The following CEACAM1 variants were observed in gnomAD, a reference collection of about 807,000 sequenced individuals.
CEACAM1 encodes the protein CEA cell adhesion molecule 1.
CEACAM1 carries 31 observed loss-of-function variants against 49.1 expected under a neutral mutation model. The observed-to-expected ratio is 0.63, with a 90% CI of 0.47 to 0.85. The LOEUF is 0.85. Among genes scored for constraint, CEACAM1 ranks in the 40% least tolerant of loss-of-function variants. The probability of loss-of-function intolerance (pLI) is 0.00; values close to 1 mark genes in which losing one functional copy is unlikely to be tolerated. For synonymous variants in CEACAM1, 244 were observed against 247.8 expected, an observed-to-expected ratio of 0.98 and a Z score of 0.14; for missense variants, 570 against 645.3, an observed-to-expected ratio of 0.88 and a Z score of 1.26.
chr19:42,512,219 G>C (rs2041475090), intron 6 of CEACAM1, 131 bp downstream of exon 6: 1 of 1,014,462 alleles, frequency 9.9e-7, no homozygotes, highest in Non-Finnish European at 1.4e-6. Context: ...GTGGGAATTA[G>C]TGCCGAGAAG....
Position 42,521,514 on chromosome 19 carries a change from C to T in CEACAM1, c.711G>A (p.Pro237=), listed in dbSNP as rs766165584. 2.5e-5 allele frequency: 40 copies of T among 1,613,326 alleles called. No individual in the cohort carries two copies. The East Asian group carries it at 3.6e-4, about 14-fold the overall frequency. ...DPVTLNVTYG[P]DTPTISPSDT... ...CTGAAGGGGAAATGGTGGGGGTGTC[C>T]GGGCCATCTGGAGCAAAGAGAATAA... Residue 237 remains proline, a synonymous_variant, in exon 4 of 9, where the codon CCG becomes CCA. Coordinates refer to ENST00000161559, the MANE Select transcript of CEACAM1 (RefSeq NM_001712.5).
chr19:42,513,961 T>C (rs184767108), intron 5 of CEACAM1, among the ~76,000 whole-genome samples: 2,042 of 123,854 alleles, frequency 0.016, 24 homozygotes, highest in African/African-American at 0.055. Context: ...TCTTCTTCTT[T>C]TTTTTTTTTT....
chr19:42,518,821 T>G, intron 5 of CEACAM1, 127 bp downstream of exon 5: 2 of 1,133,876 alleles, frequency 1.8e-6, no homozygotes, highest in Non-Finnish European at 2.6e-6. Context: ...CTTAACCACT[T>G]TGCAATTCTG....
At position 42,511,615 on chromosome 19, in the gene CEACAM1, G is replaced by A. The variant is rs773721151; in HGVS notation, c.1390C>T (p.Arg464Cys). Residue 464 changes from arginine to cysteine, a missense_variant, in exon 7 of 9, where the codon CGT becomes TGT. Physicochemically the swap from Arg to Cys is radical, Grantham distance 180. Transcript: ENST00000161559. ...GAGGGTTTGTGCTCTGTGAGATCAC[G>A]CTGGTCGCTTGCCCTAAATAAATAT... ...FGKTGRASDQ[R>C]DLTEHKPSVS... 2.1e-5 allele frequency: 34 copies of A among 1,613,790 alleles called. No individual in the cohort carries two copies. Among genetic ancestry groups the A allele is most frequent in the Non-Finnish European group, 2.6e-5 (31 of 1,179,918 alleles).
intron 4 of CEACAM1, chr19:42,519,491 C>G: frequency 2.2e-6 from 1 of 444,516 alleles, no homozygotes; most frequent in Non-Finnish European, 4.0e-6. Flanking sequence ...CTGGATATCT[C>G]TATATCTCCA....
chr19:42,528,315 GAGCAGA>G lies in CEACAM1; in HGVS notation c.54_59del (p.Leu19_Leu20del). ...CCCAGGGTGTCCTCCCCTCACCTGT[GAGCAGA>G]AGCCCCTGCCAGGGTACACGCACTC... On this transcript the variant is annotated inframe_deletion, in exon 1 of 9. Transcript: ENST00000161559. 1 of 1,613,630 alleles carries G rather than the reference GAGCAGA, an allele frequency of 6.2e-7. No homozygotes were observed. Among genetic ancestry groups the G allele is most frequent in the Non-Finnish European group, 8.5e-7 (1 of 1,179,708 alleles).
At position 42,522,013 on chromosome 19, in the gene CEACAM1, A is replaced by G; in HGVS notation, c.614T>C (p.Val205Ala). ...NGNRTLTLLS[V>A]TRNDTGPYEC... ...ATAGGGTCCTGTGTCATTCCTTGTG[A>G]CACTGAGTAGAGTGAGGGTCCTGTT... Residue 205 changes from valine to alanine, a missense_variant, in exon 3 of 9, where the codon GTC (valine) becomes GCC (alanine). Transcript: ENST00000161559. 1 of 1,614,214 alleles carries G rather than the reference A, an allele frequency of 6.2e-7. No individual in the cohort carries two copies.
intron 5 of CEACAM1, among the ~76,000 whole-genome samples, chr19:42,513,521 C>T (rs962151544): frequency 2.0e-5 from 3 of 150,550 alleles, no homozygotes; most frequent in African/African-American, 7.4e-5. Flanking sequence ...CGCTTGAACC[C>T]GGGGGGCAGA....
chr19:42,528,215 C>T (rs1220370998), intron 1 of CEACAM1, 96 bp downstream of exon 1: 3 of 1,054,582 alleles, frequency 2.8e-6, no homozygotes, highest in Admixed American at 4.5e-5. Context: ...CAAGAGAAGC[C>T]CTCTGTCCCC....
Position 42,509,089 on chromosome 19 carries a change from A to G in CEACAM1, c.*20T>C. ...GAGACTTGAAATACATCAGCACTGCAGTGAGCAGGACAGGTTTCATTACTG... is the reference window on the plus strand; with the variant it reads ...GAGACTTGAAATACATCAGCACTGCGGTGAGCAGGACAGGTTTCATTACTG... On this transcript the variant is annotated 3_prime_UTR_variant, in exon 9 of 9. Transcript: ENST00000161559. 5.0e-6 allele frequency: 8 copies of G among 1,613,914 alleles called. No individual in the cohort carries two copies. The highest frequency in any genetic ancestry group is 6.8e-6 in the Non-Finnish European group (8 of 1,179,772).
intron 2 of CEACAM1, among the ~76,000 whole-genome samples, chr19:42,523,480 C>CT (rs1167081278): frequency 1.3e-5 from 2 of 152,132 alleles, no homozygotes; most frequent in Non-Finnish European, 2.9e-5. Context: ...CAGGCAGGGG[C>CT]TGCCTGGATT....
Position 42,528,477 on chromosome 19 carries a change from G to C in CEACAM1, c.-103C>G, listed in dbSNP as rs760619200. Reference sequence around the variant, plus strand: ...TCACCTCTGCTGTTTTCCACTCTCTGTGCTGAGCCTCCTCCCTGGGGCCCA... The same window carrying C: ...TCACCTCTGCTGTTTTCCACTCTCTCTGCTGAGCCTCCTCCCTGGGGCCCA... On this transcript the variant is annotated 5_prime_UTR_variant, in exon 1 of 9. Coordinates refer to ENST00000161559, the MANE Select transcript of CEACAM1 (RefSeq NM_001712.5). 17 of 1,122,706 alleles carry C rather than the reference G, an allele frequency of 1.5e-5. No homozygotes were observed. The highest frequency in any genetic ancestry group is 2.3e-5 in the Non-Finnish European group (17 of 752,646). 69.5% of individuals were successfully genotyped at this position (1,122,706 alleles called of 1,614,324 possible).
At chr19:42,527,509 G>GTGTGTGTT in intron 1 of CEACAM1, 109 bp from the exon 2 acceptor site, 5 of 616,790 alleles carry the variant, frequency 8.1e-6, no homozygotes, top group Non-Finnish European at 1.1e-5. Flanking sequence ...CTTGGAGTGT[G>GTGTGTGTT]TGTGTGTGTG....
At chr19:42,515,137 G>A (rs2041568381) in intron 5 of CEACAM1, 2 of 606,030 alleles carry the variant, frequency 3.3e-6, no homozygotes, top group Non-Finnish European at 6.0e-6. Context: ...TTAGCCAGAT[G>A]TGGTAGTATG....
In CEACAM1 at chr19:42,521,152, C is replaced by G; in HGVS notation, c.958+115G>C. The G allele has an allele frequency of 1.0e-5, 12 of 1,167,882 alleles. No individual in the cohort carries two copies. The South Asian group carries it at 1.7e-4, about 17-fold the overall frequency. 72.3% of individuals were successfully genotyped at this position (1,167,882 alleles called of 1,614,324 possible). The stretch of plus-strand genomic sequence containing the variant: ...GAGAGGGTTCAGGGGAGAATTTGGA[C>G]TTGTTTGTGCCTGTTGGATACAGGC... On this transcript the variant is annotated intron_variant, in intron 4 of 8. Coordinates refer to ENST00000161559, the MANE Select transcript of CEACAM1 (RefSeq NM_001712.5).
chr19:42,521,351 T>C lies in CEACAM1; in HGVS notation c.874A>G (p.Asn292Asp), dbSNP rs1399691879. 13 of 1,614,218 alleles carry C rather than the reference T, an allele frequency of 8.1e-6. No individual in the cohort carries two copies. Among genetic ancestry groups the C allele is most frequent in the Non-Finnish European group, 1.1e-5 (13 of 1,180,036 alleles). Residue 292 changes from asparagine to aspartate, a missense_variant, in exon 4 of 9, where the codon AAT becomes GAT. Asn to Asp is a conservative substitution (Grantham distance 23). Coordinates refer to ENST00000161559, the MANE Select transcript of CEACAM1 (RefSeq NM_001712.5). Reference sequence around the variant, plus strand: ...TGGCAGGTATAGGATCCACTATTATTCACAGTGATGTTAGGGATAAAGAGC... The same window carrying C: ...TGGCAGGTATAGGATCCACTATTATCCACAGTGATGTTAGGGATAAAGAGC... ...QELFIPNITV[N>D]NSGSYTCHAN...
At chr19:42,512,305 C>T in intron 6 of CEACAM1, 45 bp downstream of exon 6, 1 of 1,609,150 alleles carries the variant, frequency 6.2e-7, no homozygotes, top group Middle Eastern at 1.7e-4. Context: ...CCAAGCATGG[C>T]AGTCAGCCTT....
rs188494981 is a variant in CEACAM1 at position 42,518,190 on chromosome 19, C to T, written c.1246+758G>A. Among the ~76,000 whole-genome samples, 6 of 152,038 alleles carry T rather than the reference C, an allele frequency of 3.9e-5. No individual in the cohort carries two copies. The East Asian group carries it at 5.8e-4, about 15-fold the overall frequency. ...CTGTAATCCCAGCACTTTGGGAGGC[C>T]GAGGCTGAGACCAGGAGATTGAGAC... On this transcript the variant is annotated intron_variant, in intron 5 of 8. Coordinates refer to ENST00000161559, the MANE Select transcript of CEACAM1 (RefSeq NM_001712.5).
chr19:42,519,190 G>C lies in CEACAM1; in HGVS notation c.1004C>G (p.Thr335Ser). 6.2e-7 allele frequency: 1 copy of C among 1,614,164 alleles called. No homozygotes were observed. Among genetic ancestry groups the C allele is most frequent in the East Asian group, 2.2e-5 (1 of 44,880 alleles). ...VAKPQIKASKTTVTGDKDSVN... is the reference protein window; with the variant it reads ...VAKPQIKASKSTVTGDKDSVN... ...AGAGTCCTTATCTCCTGTGACTGTGGTCTTGCTGGCTTTGATTTGGGGCTT... is the reference window on the plus strand; with the variant it reads ...AGAGTCCTTATCTCCTGTGACTGTGCTCTTGCTGGCTTTGATTTGGGGCTT... The change falls in exon 5 of 9, where the codon ACC becomes AGC. Residue 335 changes from threonine to serine, a missense_variant. By Grantham distance (58) the Thr-to-Ser change is moderately conservative. Coordinates refer to ENST00000161559, the MANE Select transcript of CEACAM1 (RefSeq NM_001712.5).
Sources: allele counts gnomAD v4.1 joint callset (sites outside exome capture counted in the v4.1 genomes callset), GRCh38; gene constraint gnomAD v4.1.1; transcripts MANE v1.5; gene names NCBI Gene and HGNC (gene_info 2026-07-23, HGNC 2026-07-21).